Variants in SEC23B observed in about 807,000 individuals in gnomAD.
SEC23B encodes SEC23 homolog B, COPII component.
A neutral mutation model predicts 104.3 loss-of-function variants in SEC23B; 77 were observed. The observed-to-expected ratio is 0.74, with a 90% CI of 0.61 to 0.89. SEC23B has a LOEUF of 0.89. Ranked by LOEUF, SEC23B falls within the 40% of genes least tolerant of loss-of-function variation. The pLI, the probability that SEC23B is intolerant of heterozygous loss-of-function variation, is 0.00. For missense variants in SEC23B, 885 were observed against 949.4 expected (o/e 0.93, Z 0.89); for synonymous variants, 338 against 332.5 (o/e 1.02, Z -0.18).
intron 11 of SEC23B, among the ~76,000 whole-genome samples, chr20:18,533,075 A>G (rs1043080227): frequency 6.6e-6 from 1 of 152,230 alleles, no homozygotes; most frequent in African/African-American, 2.4e-5. Flanking sequence ...GCACAAGGCA[A>G]ACATTCAGCA....
chr20:18,527,638 G>A, intron 9 of SEC23B, 27 bp downstream of exon 9: 1 of 1,337,402 alleles, frequency 7.5e-7, no homozygotes, highest in Non-Finnish European at 1.1e-6. Context: ...AACCTGGGCA[G>A]AGTGACAGTG....
chr20:18,545,958 T>G lies in SEC23B; in HGVS notation c.1668T>G (p.Cys556Trp). ...TTTTTGGTATTTTCTTTCCATAGTG[T>G]CAAAAGTTTGGACAGTATAACAAAG... ...RWLDRQLIRL[C>W]QKFGQYNKED... Residue 556 changes from cysteine to tryptophan, a missense_variant and splice_region_variant, in exon 15 of 20, where the codon TGT becomes TGG. Transcript: ENST00000650089. 6.4e-7 allele frequency: 1 copy of G among 1,564,164 alleles called. No individual in the cohort carries two copies.
chr20:18,546,754 T>G (rs533237135), intron 15 of SEC23B, among the ~76,000 whole-genome samples: 1 of 152,158 alleles, frequency 6.6e-6, no homozygotes, highest in South Asian at 2.1e-4. Flanking sequence ...CTGTGTGGTG[T>G]TGTGAGAAGA....
rs777442287 is a variant in SEC23B, at chr20:18,554,385, A to G, written c.2143A>G (p.Ser715Gly). The change falls in exon 18 of 20, where the codon AGT (serine) becomes GGT (glycine). Residue 715 changes from serine to glycine, a missense_variant. Physicochemically the swap from Ser to Gly is moderately conservative, Grantham distance 56. Coordinates refer to ENST00000650089, the MANE Select transcript of SEC23B (RefSeq NM_006363.6). ...PRYINTEHGG[S>G]QARFLLSKVN... ...TTACATCAACACGGAGCATGGAGGCAGTCAGGTGAGTGAGCTGAGTTCTAA... is the reference window on the plus strand; with the variant it reads ...TTACATCAACACGGAGCATGGAGGCGGTCAGGTGAGTGAGCTGAGTTCTAA... The G allele has an allele frequency of 1.1e-5, 18 of 1,614,128 alleles. No homozygotes were observed. The highest frequency in any genetic ancestry group is 1.4e-5 in the Non-Finnish European group (17 of 1,180,050).
intron 4 of SEC23B, among the ~76,000 whole-genome samples, chr20:18,518,582 G>GTTTTTTTTTTTTTTTTTTTTTTT (rs57231166): frequency 6.5e-5 from 6 of 92,656 alleles, no homozygotes; most frequent in Admixed American, 3.1e-4. Flanking sequence ...CTGGAAGGAG[G>GTTTTTTTTTTTTTTTTTTTTTTT]TTTTTTTTTT....
chr20:18,560,769 G>A lies in SEC23B; in HGVS notation c.*29G>A, dbSNP rs1024142648. The A allele has an allele frequency of 6.7e-7, 1 of 1,493,122 alleles. No individual in the cohort carries two copies. The highest frequency in any genetic ancestry group is 9.3e-7 in the Non-Finnish European group (1 of 1,069,596). 92.5% of individuals were successfully genotyped at this position (1,493,122 alleles called of 1,614,324 possible). A position where few individuals can be genotyped will look rare whatever the true frequency, so the allele number is the denominator to read the frequency against. On this transcript the variant is annotated 3_prime_UTR_variant, in exon 20 of 20. Transcript: ENST00000650089. Reference sequence around the variant, plus strand: ...GAGGATACAACCAGGAAATGCAACGGTGTCAGATTGTGTTCAAAATGTCTA... The same window carrying A: ...GAGGATACAACCAGGAAATGCAACGATGTCAGATTGTGTTCAAAATGTCTA...
rs751266291 is a variant in SEC23B at position 18,535,674 on chromosome 20, A to G, written c.1336A>G (p.Ser446Gly). 7 of 1,614,076 alleles carry G rather than the reference A, an allele frequency of 4.3e-6. No homozygotes were observed. In the South Asian group the frequency reaches 7.7e-5, roughly 18 times the overall value. Residue 446 changes from serine (S) to glycine (G), a missense_variant, in exon 12 of 20, where the codon AGT becomes GGT. Physicochemically the swap from Ser to Gly is moderately conservative, Grantham distance 56. Coordinates refer to ENST00000650089, the MANE Select transcript of SEC23B (RefSeq NM_006363.6). ...CCAGGAGCTTGGTGTTGGTGGCACG[A>G]GTCAGTGGAAAATCTGTGGCCTAGA... ...SENELGVGGT[S>G]QWKICGLDPT...
At chr20:18,534,586 C>T (rs1186855899) in intron 11 of SEC23B, among the ~76,000 whole-genome samples, 1 of 152,234 alleles carries the variant, frequency 6.6e-6, no homozygotes, top group Non-Finnish European at 1.5e-5. Context: ...TGTAAGGGAA[C>T]ACTTCCCCCT....
chr20:18,552,213 T>TA (rs5840816), intron 17 of SEC23B, among the ~76,000 whole-genome samples: 103,536 of 152,012 alleles, frequency 0.68, 36,725 homozygotes, highest in Non-Finnish European at 0.8. Context: ...CGTGAAAAGA[T>TA]ATAAATTGTG....
intron 12 of SEC23B, among the ~76,000 whole-genome samples, chr20:18,537,502 C>T (rs1163123096): frequency 3.9e-5 from 6 of 151,962 alleles, no homozygotes; most frequent in South Asian, 4.1e-4. Context: ...AAAAAAACAC[C>T]GCATGTTCTC....
At chr20:18,560,607 G>C (rs763985059) in intron 19 of SEC23B, 44 bp from the exon 20 acceptor site, 1 of 1,479,466 alleles carries the variant, frequency 6.8e-7, no homozygotes, top group East Asian at 2.3e-5. Flanking sequence ...ATTCTAATCA[G>C]CTTCTAAGAT....
intron 3 of SEC23B, among the ~76,000 whole-genome samples, chr20:18,512,762 A>T (rs1362954643): frequency 1.3e-5 from 2 of 152,236 alleles, no homozygotes; most frequent in African/African-American, 4.8e-5. Flanking sequence ...CTATAAAAGT[A>T]ACTGTGCGGC....
intron 4 of SEC23B, among the ~76,000 whole-genome samples, chr20:18,517,294 T>C (rs1241729718): frequency 6.6e-6 from 1 of 152,142 alleles, no homozygotes; most frequent in Non-Finnish European, 1.5e-5. Flanking sequence ...ACGAGCAATG[T>C]TTTGTGGGCA....
chr20:18,560,108 G>GTGTA (rs778891295), intron 19 of SEC23B, among the ~76,000 whole-genome samples: 1,996 of 150,958 alleles, frequency 0.013, 24 homozygotes, highest in African/African-American at 0.02. Context: ...GTGTGTGTGT[G>GTGTA]TATATATATA....
upstream of SEC23B, chr20:18,507,758 A>T (rs143660740): frequency 2.4e-4 from 37 of 152,448 alleles, no homozygotes; most frequent in African/African-American, 8.9e-4. Context: ...AGTGCGACAT[A>T]CACCTGTCTT....
intron 18 of SEC23B, among the ~76,000 whole-genome samples, chr20:18,554,856 T>A (rs1365899194): frequency 1.4e-5 from 2 of 146,320 alleles, no homozygotes; most frequent in African/African-American, 2.5e-5. Flanking sequence ...GTGGTCAAAA[T>A]GTGCTTATGT....
chr20:18,539,540 T>C (rs2060269135), intron 12 of SEC23B, among the ~76,000 whole-genome samples: 1 of 148,840 alleles, frequency 6.7e-6, no homozygotes, highest in Non-Finnish European at 1.5e-5. Context: ...AGATGGGGTC[T>C]CTCTTTGTTG....
At chr20:18,550,426 G>A (rs2060377352) in intron 16 of SEC23B, among the ~76,000 whole-genome samples, 1 of 152,054 alleles carries the variant, frequency 6.6e-6, no homozygotes. Context: ...CAAAGTTCTA[G>A]GTTTACAGGC....
intron 11 of SEC23B, among the ~76,000 whole-genome samples, chr20:18,534,739 C>T (rs1454683978): frequency 6.6e-6 from 1 of 152,180 alleles, no homozygotes; most frequent in Non-Finnish European, 1.5e-5. Context: ...ATGGTCATTT[C>T]CTAATTGTCT....
Sources: gnomAD v4.1 joint callset for allele counts (sites outside exome capture counted in the v4.1 genomes callset) on GRCh38, gnomAD v4.1.1 for gene constraint, MANE v1.5 for transcripts, NCBI Gene and HGNC (gene_info 2026-07-23, HGNC 2026-07-21) for gene names.